The following BIRC6 variants were observed in gnomAD, a reference collection of about 807,000 sequenced individuals.
BIRC6 encodes the protein dual E2 ubiquitin-conjugating enzyme/E3 ubiquitin-protein ligase BIRC6.
Under a neutral mutation model 503.3 loss-of-function variants are expected in BIRC6, and 98 were observed. The ratio of observed to expected loss-of-function variants is 0.19; its 90% CI spans 0.17 to 0.23. The LOEUF (loss-of-function observed/expected upper bound fraction) is 0.23. BIRC6 is among the 10% of genes least tolerant of loss of function. The pLI is 1.00. For synonymous variants in BIRC6, 2,240 were observed against 2,078.7 expected (o/e 1.08, Z -2.11); for missense variants, 5,360 against 5,806.0 (o/e 0.92, Z 2.50).
At chr2:32,379,507 T>G (rs1375135942) in intron 2 of BIRC6, 1 of 152,204 alleles carries the variant, frequency 6.6e-6, no homozygotes, top group African/African-American at 2.4e-5. Flanking sequence ...TTAAATCTAC[T>G]GTTTTTTTTC....
At chr2:32,374,453 A>G (rs1203575105) in intron 1 of BIRC6, among the ~76,000 whole-genome samples, 1 of 150,546 alleles carries the variant, frequency 6.6e-6, no homozygotes, top group African/African-American at 2.4e-5. Context: ...GTGTGCCACT[A>G]CACCTGGCTA....
chr2:32,581,583 C>T (rs962946759), intron 66 of BIRC6, among the ~76,000 whole-genome samples: 5 of 152,086 alleles, frequency 3.3e-5, no homozygotes, highest in African/African-American at 7.2e-5. Flanking sequence ...ACCCCCATAG[C>T]GGATGGACCA....
intron 30 of BIRC6, among the ~76,000 whole-genome samples, 153 bp downstream of exon 30, chr2:32,469,767 A>G (rs2048926282): frequency 6.6e-6 from 1 of 152,222 alleles, no homozygotes; most frequent in South Asian, 2.1e-4. Context: ...GGGCACCAGC[A>G]CTGTGTATCG....
At chr2:32,512,429 G>C (rs2054542503) in intron 53 of BIRC6, among the ~76,000 whole-genome samples, 1 of 152,050 alleles carries the variant, frequency 6.6e-6, no homozygotes, top group African/African-American at 2.4e-5. Context: ...CTATAATCTT[G>C]TTATTAATGT....
chr2:32,493,101 T>C (rs1371782746), intron 44 of BIRC6, among the ~76,000 whole-genome samples: 1 of 151,910 alleles, frequency 6.6e-6, no homozygotes, highest in African/African-American at 2.4e-5. Flanking sequence ...ATGCTTGCTT[T>C]GCTAGTTGTT....
At chr2:32,599,326 TA>T (rs61611664) in intron 69 of BIRC6, among the ~76,000 whole-genome samples, 32,343 of 121,472 alleles carry the variant, frequency 0.27, 4,293 homozygotes, top group Non-Finnish European at 0.34. Flanking sequence ...GAGACTGTCT[TA>T]AAAAAAAAAA....
rs1239582999 is a variant in BIRC6 at position 32,468,529 on chromosome 2, G to A, written c.5873G>A (p.Arg1958Gln). Residue 1958 changes from arginine to glutamine, a missense_variant, in exon 29 of 74, where the codon CGA becomes CAA. Physicochemically the swap from Arg to Gln is conservative, Grantham distance 43. This residue lies in a region of BIRC6 where 2,299 missense variants were observed against 2,267.2 expected (regional missense o/e 1.01). Coordinates refer to ENST00000421745, the MANE Select transcript of BIRC6 (RefSeq NM_016252.4). ...NSANNAQYFL[R>Q]KPDKAVEEDS... ...GCTAACAATGCACAGTACTTTTTAC[G>A]AAAACCAGATAAGGCAGTTGAGGAA... 7 of 1,613,868 alleles carry A rather than the reference G, an allele frequency of 4.3e-6. No homozygotes were observed. Among genetic ancestry groups the A allele is most frequent in the East Asian group, 2.2e-5 (1 of 44,874 alleles).
At chr2:32,462,893 T>G (rs1004372841) in intron 23 of BIRC6, among the ~76,000 whole-genome samples, 4 of 151,008 alleles carry the variant, frequency 2.6e-5, no homozygotes, top group African/African-American at 9.8e-5. Flanking sequence ...ACGTGGAGGT[T>G]GCAGTGAACC....
intron 10 of BIRC6, among the ~76,000 whole-genome samples, chr2:32,419,014 G>A (rs931133270): frequency 6.6e-6 from 1 of 152,120 alleles, no homozygotes; most frequent in African/African-American, 2.4e-5. Flanking sequence ...GGTACAGTCC[G>A]GAATTCCTAG....
chr2:32,553,609 C>T (rs929756596), intron 65 of BIRC6, among the ~76,000 whole-genome samples: 5 of 151,898 alleles, frequency 3.3e-5, no homozygotes, highest in Non-Finnish European at 7.4e-5. Context: ...AGGCCGGTCT[C>T]GAACTCCTGA....
chr2:32,602,980 C>T lies in BIRC6; in HGVS notation c.13993-26C>T, dbSNP rs771175892. ...GTTTTTAAGCACTCTTTTTTCAATT[C>T]TGTTTATGCTTTTTTCGTTCGTCAG... On this transcript the variant is annotated intron_variant, in intron 70 of 73. Transcript: ENST00000421745. 2.5e-6 allele frequency: 4 copies of T among 1,574,204 alleles called. No homozygotes were observed. In the Admixed American group the frequency reaches 5.9e-5, roughly 23 times the overall value.
Position 32,525,598 on chromosome 2 carries a change from G to A in BIRC6, c.11890G>A (p.Val3964Met). 6.2e-7 allele frequency: 1 copy of A among 1,613,428 alleles called. No individual in the cohort carries two copies. The highest frequency in any genetic ancestry group is 8.5e-7 in the Non-Finnish European group (1 of 1,179,682). Reference protein sequence around the residue: ...EAANKIITVPVFHLFHKLLAG... With the variant: ...EAANKIITVPMFHLFHKLLAG... The stretch of plus-strand genomic sequence containing the variant: ...TGCCAACAAAATAATTACTGTCCCA[G>A]TGTTTCACCTGTTTCACAAACTCTT... The change falls in exon 59 of 74, where the codon GTG becomes ATG. Residue 3964 changes from valine to methionine, a missense_variant. This residue lies in a region of BIRC6 where 878 missense variants were observed against 928.9 expected (regional missense o/e 0.95). Transcript: ENST00000421745.
chr2:32,525,440 A>T (rs1223602924), intron 58 of BIRC6, 24 bp from the exon 59 acceptor site: 2 of 1,613,630 alleles, frequency 1.2e-6, no homozygotes, highest in Admixed American at 3.3e-5. Context: ...ACTATGTAGA[A>T]TCTTACTGAT....
intron 37 of BIRC6, among the ~76,000 whole-genome samples, chr2:32,481,091 A>T (rs570726799): frequency 6.6e-6 from 1 of 152,178 alleles, no homozygotes. Flanking sequence ...AGTTTATGCA[A>T]CTTACTTCAA....
chr2:32,407,552 C>G (rs1408532924), intron 9 of BIRC6, among the ~76,000 whole-genome samples: 2 of 151,340 alleles, frequency 1.3e-5, no homozygotes, highest in Admixed American at 6.6e-5. Context: ...TAAATTGTGG[C>G]TATTGTTTAA....
chr2:32,612,765 G>T (rs1291058789), intron 73 of BIRC6, among the ~76,000 whole-genome samples: 1 of 152,172 alleles, frequency 6.6e-6, no homozygotes, highest in Non-Finnish European at 1.5e-5. Flanking sequence ...GGACTTCATT[G>T]TACTCTTCTG....
intron 3 of BIRC6, among the ~76,000 whole-genome samples, chr2:32,383,387 C>T (rs780040053): frequency 6.6e-6 from 1 of 152,156 alleles, no homozygotes; most frequent in Non-Finnish European, 1.5e-5. Context: ...GTATAATAGT[C>T]AAGAAGATAT....
In BIRC6 at chr2:32,543,456, C is replaced by G; in HGVS notation, c.12507C>G (p.Gly4169=). The G allele has an allele frequency of 1.2e-6, 2 of 1,613,974 alleles. No homozygotes were observed. Among genetic ancestry groups the G allele is most frequent in the Non-Finnish European group, 1.7e-6 (2 of 1,179,870 alleles). ...TTGGATTATTTCTTCGTCTTCCGGG[C>G]TATGCGGAAGTGCTACTGAAAGAGA... ...AAFGLFLRLP[G]YAEVLLKERK... is the part of the protein sequence containing the mutation. Residue 4169 remains glycine (G), a synonymous_variant, in exon 62 of 74, where the codon GGC becomes GGG. Transcript: ENST00000421745.
intron 39 of BIRC6, 149 bp downstream of exon 39, chr2:32,482,731 T>A: frequency 2.5e-6 from 2 of 784,884 alleles, no homozygotes; most frequent in African/African-American, 1.7e-5. Context: ...CAGAGCTGTT[T>A]CTTTGTAGTC....
Sources: allele counts gnomAD v4.1 joint callset (sites outside exome capture counted in the v4.1 genomes callset), GRCh38; gene constraint gnomAD v4.1.1; regional missense constraint gnomAD v4.1.1; transcripts MANE v1.5; gene names NCBI Gene and HGNC (gene_info 2026-07-23, HGNC 2026-07-21).